The following ZNF487 variants were observed in gnomAD, a reference collection of about 807,000 sequenced individuals.
ZNF487 encodes KRAB domain only 1.
In ZNF487, 4 loss-of-function variants were observed where a neutral mutation model predicts 3.0. The observed-to-expected ratio is 1.35, with a 90% confidence interval of 0.66 to 3.08. The LOEUF (loss-of-function observed/expected upper bound fraction) is 3.08, where lower values mean the gene tolerates loss of function less well. Among genes scored for constraint, ZNF487 ranks in the 30% most tolerant of loss-of-function variants. ZNF487 has a pLI of 0.01. For synonymous variants in ZNF487, 55 were observed against 34.6 expected (o/e 1.59, Z -2.06); for missense variants, 146 against 98.7 (o/e 1.48, Z -2.03).
chr10:43,446,125 C>T (rs1469854728), intron 1 of ZNF487, among the ~76,000 whole-genome samples: 17 of 152,250 alleles, frequency 1.1e-4, no homozygotes, highest in Admixed American at 8.5e-4. Context: ...CTTTGCCCCA[C>T]GTTTCCCCCT....
chr10:43,497,983 G>GATATATATATAT, the ZNF487 span, among the ~76,000 whole-genome samples: 5 of 130,390 alleles, frequency 3.8e-5, no homozygotes, highest in African/African-American at 1.5e-4. Flanking sequence ...AAAGAAAAAA[G>GATATATATATAT]ATATATATAT....
the ZNF487 span, among the ~76,000 whole-genome samples, chr10:43,507,378 A>C: frequency 6.6e-6 from 1 of 152,226 alleles, no homozygotes; most frequent in Non-Finnish European, 1.5e-5. Flanking sequence ...AGAATTAAAC[A>C]TGGCACCATG....
chr10:43,476,549 G>A (rs372573883), intron 3 of ZNF487, among the ~76,000 whole-genome samples: 5 of 152,082 alleles, frequency 3.3e-5, no homozygotes, highest in South Asian at 2.1e-4. Context: ...TGGCAGCTAC[G>A]ATGTTGGCAT....
chr10:43,442,136 G>A, intron 1 of ZNF487, among the ~76,000 whole-genome samples: 1 of 152,020 alleles, frequency 6.6e-6, no homozygotes, highest in East Asian at 1.9e-4. Context: ...ACACTGCGGT[G>A]TAAGGTTTGC....
chr10:43,494,765 C>CAAAAA, the ZNF487 span, among the ~76,000 whole-genome samples: 1,335 of 35,764 alleles, frequency 0.037, 109 homozygotes, highest in African/African-American at 0.084. Context: ...ACTAAAAATA[C>CAAAAA]AAAAAAAAAA....
the ZNF487 span, among the ~76,000 whole-genome samples, chr10:43,521,524 A>G: frequency 6.6e-6 from 1 of 152,178 alleles, no homozygotes; most frequent in Non-Finnish European, 1.5e-5. Flanking sequence ...TAGTATGAGA[A>G]CTGAAACAAG....
intron 1 of ZNF487, among the ~76,000 whole-genome samples, chr10:43,473,122 T>G (rs922306527): frequency 6.6e-6 from 1 of 151,692 alleles, no homozygotes; most frequent in African/African-American, 2.4e-5. Flanking sequence ...TTTTTTTTTT[T>G]TGAGATAGAG....
At chr10:43,501,286 G>A in the ZNF487 span, among the ~76,000 whole-genome samples, 2 of 152,164 alleles carry the variant, frequency 1.3e-5, no homozygotes, top group Admixed American at 1.3e-4. Flanking sequence ...CTCTGCATGA[G>A]TCAGTGGGTG....
intron 1 of ZNF487, among the ~76,000 whole-genome samples, chr10:43,441,034 AT>A (rs763451709): frequency 0.019 from 860 of 44,304 alleles, no homozygotes; most frequent in Non-Finnish European, 0.027. Flanking sequence ...ACCTGGTTAA[AT>A]TTTTTTTTTT....
At chr10:43,517,605 C>T in the ZNF487 span, among the ~76,000 whole-genome samples, 1,191 of 152,246 alleles carry the variant, frequency 7.8e-3, 14 homozygotes, top group African/African-American at 0.027. Flanking sequence ...AACTGTTGGT[C>T]ACATACTGGG....
Position 43,481,953 on chromosome 10 carries a change from T to C in ZNF487, c.*31T>C, listed in dbSNP as rs1008955214. The C allele has an allele frequency of 6.5e-6, 4 of 612,390 alleles. No individual in the cohort carries two copies. Among genetic ancestry groups the C allele is most frequent in the Non-Finnish European group, 1.2e-5 (4 of 345,822 alleles). 37.9% of individuals were successfully genotyped at this position (612,390 alleles called of 1,614,324 possible). ...ATGAACATGTGAGAGCCTTTTCCGA[T>C]AGACCAATATTCATTGTTCATCAGA... On this transcript the variant is annotated 3_prime_UTR_variant, in exon 4 of 4. Transcript: ENST00000437590.
At chr10:43,491,772 A>G in the ZNF487 span, among the ~76,000 whole-genome samples, 1 of 151,744 alleles carries the variant, frequency 6.6e-6, no homozygotes, top group Admixed American at 6.6e-5. Context: ...TGTAGGATCA[A>G]TTCTTCTTTC....
At chr10:43,479,933 G>T (rs1841247866) in intron 3 of ZNF487, among the ~76,000 whole-genome samples, 1 of 150,654 alleles carries the variant, frequency 6.6e-6, no homozygotes, top group African/African-American at 2.4e-5. Context: ...TGGGATTACA[G>T]GTGTGAACCA....
chr10:43,482,802 C>G lies in ZNF487; in HGVS notation c.*880C>G. ...TGTGAAGTCAAAACTTAGAGAACAT[C>G]AGAGAATTCACACAGGGGAGAAACC... On this transcript the variant is annotated 3_prime_UTR_variant, in exon 4 of 4. Transcript: ENST00000437590. 1 of 509,344 alleles carries G rather than the reference C, an allele frequency of 2.0e-6. No homozygotes were observed. Among genetic ancestry groups the G allele is most frequent in the Admixed American group, 2.1e-5 (1 of 46,746 alleles). The allele number at this position is 509,344 out of a possible 1,614,324, so 31.6% of individuals were successfully genotyped here.
rs758312364 is a variant in ZNF487 at position 43,482,974 on chromosome 10, G to C, written c.*1052G>C. On this transcript the variant is annotated 3_prime_UTR_variant, in exon 4 of 4. Coordinates refer to ENST00000437590, the MANE Select transcript of ZNF487 (RefSeq NM_001355444.3). ...AAGTCATCCCTCACAACACATCAGA[G>C]AACACACACAAGGGAGCAACCCTAT... is the stretch of plus-strand genomic sequence containing the variant. 1 of 519,318 alleles carries C rather than the reference G, an allele frequency of 1.9e-6. No homozygotes were observed. Among genetic ancestry groups the C allele is most frequent in the East Asian group, 5.6e-5 (1 of 17,812 alleles). 32.2% of individuals were successfully genotyped at this position (519,318 alleles called of 1,614,324 possible).
At chr10:43,508,579 C>A in the ZNF487 span, among the ~76,000 whole-genome samples, 202 of 151,166 alleles carry the variant, frequency 1.3e-3, 5 homozygotes, top group East Asian at 0.038. Context: ...GAGGCCGAGG[C>A]GGGTGGATCA....
At chr10:43,496,222 G>A in the ZNF487 span, among the ~76,000 whole-genome samples, 1 of 152,130 alleles carries the variant, frequency 6.6e-6, no homozygotes, top group Non-Finnish European at 1.5e-5. Flanking sequence ...TTATAGAGAT[G>A]AATTATTTTT....
chr10:43,490,983 CT>C, the ZNF487 span, among the ~76,000 whole-genome samples: 41 of 132,534 alleles, frequency 3.1e-4, 1 homozygote, highest in Non-Finnish European at 3.4e-4. Flanking sequence ...CTTTTTTTTT[CT>C]TTTTTTTTTT....
intron 3 of ZNF487, among the ~76,000 whole-genome samples, chr10:43,479,943 A>T (rs1201130106): frequency 6.8e-6 from 1 of 147,260 alleles, no homozygotes; most frequent in Non-Finnish European, 1.5e-5. Flanking sequence ...GGTGTGAACC[A>T]CTGCACCTGA....
Sources: gnomAD v4.1 joint callset for allele counts (sites outside exome capture counted in the v4.1 genomes callset) on GRCh38, gnomAD v4.1.1 for gene constraint, MANE v1.5 for transcripts, NCBI Gene and HGNC (gene_info 2026-07-23, HGNC 2026-07-21) for gene names.